The following UBXN7 variants were observed in gnomAD, a reference collection of about 807,000 sequenced individuals.
The protein encoded by UBXN7 is UBX domain protein 7, also known as UBX domain-containing protein 7.
Under a neutral mutation model 58.0 loss-of-function variants are expected in UBXN7, and 9 were observed. The ratio of observed to expected loss-of-function variants is 0.16; its 90% confidence interval spans 0.09 to 0.27. The LOEUF is 0.27. UBXN7 is among the 10% of genes least tolerant of loss of function. UBXN7 has a pLI of 1.00. For synonymous variants in UBXN7, 208 were observed against 205.0 expected, an observed-to-expected ratio of 1.01 and a Z score of -0.12; for missense variants, 328 against 599.6, an observed-to-expected ratio of 0.55 and a Z score of 4.73.
At position 196,407,292 on chromosome 3, in the gene UBXN7, G is replaced by A. The variant is rs1266328241; in HGVS notation, c.175C>T (p.Pro59Ser). 1 of 1,614,060 alleles carries A rather than the reference G, an allele frequency of 6.2e-7. No homozygotes were observed. The highest frequency in any genetic ancestry group is 8.5e-7 in the Non-Finnish European group (1 of 1,180,006). ...GAGACACTTGCTGAACTGGTACTGG[G>A]CTCTTCAGCGATTCCTCCACCATCC... ...FLDGGGIAEE[P>S]STSSASVSTV... The change falls in exon 2 of 11, where the codon CCC becomes TCC. Residue 59 changes from proline to serine, a missense_variant. By Grantham distance (74) the Pro-to-Ser change is moderately conservative. Around this residue, in one of 4 missense-constraint regions of UBXN7, gnomAD observed 106 missense variants for 124.3 expected, o/e 0.85. Transcript: ENST00000296328.
intron 5 of UBXN7, among the ~76,000 whole-genome samples, chr3:196,373,188 A>T (rs1728894088): frequency 6.6e-6 from 1 of 152,220 alleles, no homozygotes; most frequent in Non-Finnish European, 1.5e-5. Context: ...AATCACCCTA[A>T]ACATTTTAGT....
In UBXN7 at chr3:196,361,850, T is replaced by TGG. The variant is rs1430992951; in HGVS notation, c.1301_1302insCC (p.Lys434AsnfsTer4). 6.2e-7 allele frequency: 1 copy of TGG among 1,613,462 alleles called. No homozygotes were observed. Among genetic ancestry groups the TGG allele is most frequent in the Non-Finnish European group, 8.5e-7 (1 of 1,179,832 alleles). On this transcript the variant is annotated frameshift_variant, in exon 10 of 11. Coordinates refer to ENST00000296328, the MANE Select transcript of UBXN7 (RefSeq NM_015562.2). LOFTEE classifies it high-confidence loss of function. ...AAAGCAAGCCTGTACTTACTAGCAG[T>TGG]TTAGCTTGCTCTGGAAGAGTGATCT... is the stretch of plus-strand genomic sequence containing the variant.
At chr3:196,398,156 G>A (rs1377734682) in intron 3 of UBXN7, among the ~76,000 whole-genome samples, 1 of 152,198 alleles carries the variant, frequency 6.6e-6, no homozygotes, top group Non-Finnish European at 1.5e-5. Context: ...GATGCCCCCA[G>A]GCAATAGCCA....
rs545555759 is a variant in UBXN7 at position 196,362,878 on chromosome 3, T to C, written c.835-191A>G. 2.0e-5 allele frequency among the ~76,000 whole-genome samples: 3 copies of C among 152,034 alleles called. No individual in the cohort carries two copies. The South Asian group carries it at 6.2e-4, about 32-fold the overall frequency. ...GGAGATATATATATGTGTGTGTATA[T>C]ACACACACACACGTTTTTGTTGTTT... On this transcript the variant is annotated intron_variant, in intron 8 of 10. Transcript: ENST00000296328.
intron 1 of UBXN7, among the ~76,000 whole-genome samples, chr3:196,412,461 G>A (rs1730363115): frequency 6.6e-6 from 1 of 151,920 alleles, no homozygotes; most frequent in Non-Finnish European, 1.5e-5. Flanking sequence ...TGGAGAAACT[G>A]GAACCACCAT....
At chr3:196,421,926 C>A (rs891296009) in intron 1 of UBXN7, among the ~76,000 whole-genome samples, 1 of 151,840 alleles carries the variant, frequency 6.6e-6, no homozygotes, top group Non-Finnish European at 1.5e-5. Context: ...TGGCCAGGCA[C>A]GGTAGCTCAC....
At chr3:196,398,943 C>T (rs7626166) in intron 3 of UBXN7, among the ~76,000 whole-genome samples, 2,405 of 151,920 alleles carry the variant, frequency 0.016, 60 homozygotes, top group African/African-American at 0.053. Flanking sequence ...TCACCACGTC[C>T]GGCCAAACCT....
intron 3 of UBXN7, chr3:196,400,680 C>A: frequency 3.1e-6 from 1 of 321,226 alleles, no homozygotes; most frequent in South Asian, 2.4e-5. Context: ...TTTGAGACTG[C>A]AGTAAGCAAG....
intron 1 of UBXN7, among the ~76,000 whole-genome samples, chr3:196,415,697 G>A (rs1037235440): frequency 8.6e-5 from 13 of 151,292 alleles, no homozygotes; most frequent in Admixed American, 5.9e-4. Context: ...TAGGAAAATC[G>A]CTTGAACCAG....
chr3:196,407,156 A>T, intron 2 of UBXN7, 90 bp downstream of exon 2: 1 of 1,517,064 alleles, frequency 6.6e-7, no homozygotes, highest in African/African-American at 1.4e-5. Context: ...CATTTATTTC[A>T]AAACCAGAGA....
At chr3:196,362,895 T>C (rs1295242643) in intron 8 of UBXN7, among the ~76,000 whole-genome samples, 2 of 151,814 alleles carry the variant, frequency 1.3e-5, no homozygotes, top group Admixed American at 6.6e-5. Flanking sequence ...ACACACGTTT[T>C]TGTTGTTTTG....
intron 1 of UBXN7, among the ~76,000 whole-genome samples, chr3:196,412,199 C>T (rs1369922079): frequency 1.4e-5 from 2 of 140,018 alleles, no homozygotes; most frequent in African/African-American, 2.7e-5. Flanking sequence ...CCACTGCACT[C>T]CAGTTTGGGT....
chr3:196,407,485 T>G, intron 1 of UBXN7, 92 bp from the exon 2 acceptor site: 1 of 1,459,938 alleles, frequency 6.8e-7, no homozygotes, highest in Non-Finnish European at 9.0e-7. Context: ...CCAAGTAAAT[T>G]AATAGTATTT....
intron 1 of UBXN7, 49 bp downstream of exon 1, chr3:196,432,278 T>G: frequency 1.2e-6 from 2 of 1,609,194 alleles, no homozygotes; most frequent in Non-Finnish European, 1.7e-6. Flanking sequence ...GCAGACCCGC[T>G]GCCCGCTCCG....
In UBXN7 at chr3:196,365,249, T is replaced by TA. The variant is rs11317854; in HGVS notation, c.835-2563dup. On this transcript the variant is annotated intron_variant, in intron 8 of 10. Coordinates refer to ENST00000296328, the MANE Select transcript of UBXN7 (RefSeq NM_015562.2). The stretch of plus-strand genomic sequence containing the variant: ...ATTAATGACCTAAGCTTCCCCACCT[T>TA]AAAAAAAAAAAAAAAAAGAGTATAC... Among the ~76,000 whole-genome samples, 265 of 127,916 alleles carry TA rather than the reference T, an allele frequency of 2.1e-3. 2 individuals carry two copies. Among genetic ancestry groups the TA allele is most frequent in the Middle Eastern group, 4.0e-3 (1 of 250 alleles). 83.9% of individuals were successfully genotyped at this position (127,916 alleles called of 152,430 possible). A position where few individuals can be genotyped will look rare whatever the true frequency, so the allele number is the denominator to read the frequency against.
At chr3:196,431,629 G>C (rs1436909934) in intron 1 of UBXN7, 2 of 180,352 alleles carry the variant, frequency 1.1e-5, no homozygotes, top group East Asian at 3.8e-4. Flanking sequence ...GGGGAGGTGG[G>C]AAACGCCACC....
chr3:196,363,267 TA>T (rs1192734159), intron 8 of UBXN7, among the ~76,000 whole-genome samples: 4 of 151,832 alleles, frequency 2.6e-5, no homozygotes, highest in East Asian at 3.9e-4. Context: ...TATATACACA[TA>T]TTTTTTTTTC....
intron 3 of UBXN7, chr3:196,399,844 A>T (rs1033186120): frequency 6.6e-6 from 1 of 152,248 alleles, no homozygotes; most frequent in African/African-American, 2.4e-5. Flanking sequence ...CCAAGATGCC[A>T]GCAGTCTGAC....
intron 3 of UBXN7, among the ~76,000 whole-genome samples, chr3:196,394,731 C>G (rs1246375059): frequency 6.6e-6 from 1 of 152,126 alleles, no homozygotes; most frequent in Non-Finnish European, 1.5e-5. Context: ...CAGGTTAGCC[C>G]TGTTGTATAG....
Sources: gnomAD v4.1 joint callset for allele counts (sites outside exome capture counted in the v4.1 genomes callset) on GRCh38, gnomAD v4.1.1 for gene constraint, gnomAD v4.1.1 regional missense constraint, MANE v1.5 for transcripts, NCBI Gene and HGNC (gene_info 2026-07-23, HGNC 2026-07-21) for gene names.